TRAPPC9: variants seen among roughly 807,000 people sequenced by gnomAD.
TRAPPC9 encodes IKK2 binding protein.
TRAPPC9 carries 83 observed loss-of-function variants against 124.0 expected under a neutral mutation model. That is an observed-to-expected ratio of 0.67 (90% CI 0.56 to 0.80). The LOEUF (loss-of-function observed/expected upper bound fraction) is 0.80, where lower values mean the gene tolerates loss of function less well. Ranked by LOEUF, TRAPPC9 falls within the 30% of genes least tolerant of loss-of-function variation. The pLI is 0.00. For synonymous variants in TRAPPC9, 638 were observed against 617.5 expected (o/e 1.03, Z -0.49); for missense variants, 1,302 against 1,508.3 (o/e 0.86, Z 2.27).
chr8:140,455,261 T>G (rs1190909807), intron 1 of TRAPPC9, among the ~76,000 whole-genome samples: 1 of 151,610 alleles, frequency 6.6e-6, no homozygotes. Flanking sequence ...GCCTCCCGGG[T>G]AGCTGGGACT....
chr8:140,254,679 G>A (rs542757641), intron 15 of TRAPPC9, among the ~76,000 whole-genome samples: 2 of 152,308 alleles, frequency 1.3e-5, no homozygotes, highest in East Asian at 3.9e-4. Flanking sequence ...AGGCAGGAGC[G>A]ACTTGCTGTT....
At chr8:139,814,925 A>T (rs1057148137) in intron 21 of TRAPPC9, among the ~76,000 whole-genome samples, 1 of 152,184 alleles carries the variant, frequency 6.6e-6, no homozygotes, top group African/African-American at 2.4e-5. Flanking sequence ...GAGGACAGAC[A>T]TGGCCGGGCA....
At position 140,026,825 on chromosome 8, in the gene TRAPPC9, A is replaced by G. The variant is rs539371239; in HGVS notation, c.2557-2746T>C. On this transcript the variant is annotated intron_variant, in intron 17 of 22. Coordinates refer to ENST00000438773, the MANE Select transcript of TRAPPC9 (RefSeq NM_001160372.4). ...TAAATATTACTACTCGACAGCCCAA[A>G]TAAAGCCATGCCTTCCTCTTACTTA... is the stretch of plus-strand genomic sequence containing the variant. Among the ~76,000 whole-genome samples, 840 of 152,346 alleles carry G rather than the reference A, an allele frequency of 5.5e-3. 6 individuals carry two copies. Among genetic ancestry groups the G allele is most frequent in the Non-Finnish European group, 9.4e-3 (642 of 68,036 alleles).
chr8:139,831,339 G>C (rs1825980323), intron 21 of TRAPPC9, among the ~76,000 whole-genome samples: 1 of 152,086 alleles, frequency 6.6e-6, no homozygotes, highest in Non-Finnish European at 1.5e-5. Flanking sequence ...GTGGGCAAGA[G>C]ACTCTCCCAG....
intron 20 of TRAPPC9, among the ~76,000 whole-genome samples, chr8:139,908,337 C>T (rs188456562): frequency 4.6e-5 from 7 of 152,248 alleles, no homozygotes; most frequent in African/African-American, 1.4e-4. Flanking sequence ...CTGCATGGGG[C>T]GCCCGGCCAG....
At chr8:140,312,797 T>C (rs2066335826) in intron 9 of TRAPPC9, among the ~76,000 whole-genome samples, 1 of 149,958 alleles carries the variant, frequency 6.7e-6, no homozygotes, top group Non-Finnish European at 1.5e-5. Flanking sequence ...TCTCACTCTG[T>C]CTCCCAGGCT....
At chr8:140,356,042 T>C (rs2067732229) in intron 9 of TRAPPC9, among the ~76,000 whole-genome samples, 1 of 152,204 alleles carries the variant, frequency 6.6e-6, no homozygotes, top group Non-Finnish European at 1.5e-5. Context: ...GAACCCTCGC[T>C]GTATTTTCCT....
At chr8:139,967,672 C>T (rs951643559) in intron 19 of TRAPPC9, among the ~76,000 whole-genome samples, 9 of 152,234 alleles carry the variant, frequency 5.9e-5, no homozygotes. Flanking sequence ...AATGCCTGGG[C>T]CCGCCAGGAA....
chr8:139,980,795 C>G (rs1836841739), intron 19 of TRAPPC9, among the ~76,000 whole-genome samples: 1 of 152,212 alleles, frequency 6.6e-6, no homozygotes, highest in Admixed American at 6.5e-5. Context: ...GGGGACAGGT[C>G]TGCAGACAGG....
At position 140,275,813 on chromosome 8, in the gene TRAPPC9, T is replaced by C. The variant is rs768881448; in HGVS notation, c.2123A>G (p.His708Arg). Residue 708 changes from histidine (H) to arginine (R), a missense_variant, in exon 15 of 23, where the codon CAT becomes CGT. Coordinates refer to ENST00000438773, the MANE Select transcript of TRAPPC9 (RefSeq NM_001160372.4). ...QISTSLPRSAHSLQPSSGDEI... is the reference protein window; with the variant it reads ...QISTSLPRSARSLQPSSGDEI... ...ATCACCAGAAGAAGGTTGCAATGAA[T>C]GTGCAGATCTAAAATAAGAAGAAGA... is the stretch of plus-strand genomic sequence containing the variant. The C allele has an allele frequency of 4.3e-6, 7 of 1,612,266 alleles. No individual in the cohort carries two copies. The highest frequency in any genetic ancestry group is 1.7e-4 in the Middle Eastern group (1 of 6,052).
intron 5 of TRAPPC9, among the ~76,000 whole-genome samples, chr8:140,424,103 C>G (rs2070336265): frequency 6.6e-6 from 1 of 151,776 alleles, no homozygotes; most frequent in Non-Finnish European, 1.5e-5. Flanking sequence ...CTGGATTTTA[C>G]CCTTTAAATA....
chr8:139,925,218 A>C (rs1252910906), intron 19 of TRAPPC9, among the ~76,000 whole-genome samples: 2 of 152,208 alleles, frequency 1.3e-5, no homozygotes, highest in Non-Finnish European at 2.9e-5. Flanking sequence ...ACAGTGTGGA[A>C]AAAAATGCCC....
chr8:140,435,466 T>C (rs2070781627), intron 3 of TRAPPC9, among the ~76,000 whole-genome samples: 1 of 152,212 alleles, frequency 6.6e-6, no homozygotes, highest in African/African-American at 2.4e-5. Flanking sequence ...CCCATGCCCA[T>C]GTCCAGGCAG....
Position 139,910,203 on chromosome 8 carries a change from G to A in TRAPPC9, c.2908C>T (p.Arg970Trp), listed in dbSNP as rs758242753. 41 of 1,614,036 alleles carry A rather than the reference G, an allele frequency of 2.5e-5. 1 individual carries two copies. Among genetic ancestry groups the A allele is most frequent in the South Asian group, 1.1e-4 (10 of 91,088 alleles). ...ATCTCCAGGCCTCGGGCTTCCCGCC[G>A]CTCTTCCTCCAGCTGCTTGGGGTTT... is the stretch of plus-strand genomic sequence containing the variant. Reference protein sequence around the residue: ...FANPKQLEEERREARGLEIHS... With the variant: ...FANPKQLEEEWREARGLEIHS... The change falls in exon 20 of 23, where the codon CGG becomes TGG. Residue 970 changes from arginine to tryptophan, a missense_variant. Coordinates refer to ENST00000438773, the MANE Select transcript of TRAPPC9 (RefSeq NM_001160372.4).
chr8:140,223,257 C>T (rs1315609825), intron 16 of TRAPPC9, among the ~76,000 whole-genome samples: 2 of 152,174 alleles, frequency 1.3e-5, no homozygotes, highest in Admixed American at 6.5e-5. Context: ...ACTTGTAAGA[C>T]AGAACATGCG....
At chr8:139,820,160 G>T (rs930901649) in intron 21 of TRAPPC9, among the ~76,000 whole-genome samples, 3 of 151,798 alleles carry the variant, frequency 2.0e-5, no homozygotes, top group African/African-American at 7.3e-5. Flanking sequence ...AATGGAGAGA[G>T]AAAAAAAATT....
intron 21 of TRAPPC9, among the ~76,000 whole-genome samples, chr8:139,819,489 G>A (rs530834133): frequency 1.2e-4 from 18 of 152,264 alleles, no homozygotes; most frequent in African/African-American, 3.4e-4. Flanking sequence ...ACCTGCTCTA[G>A]CATTTATCAT....
intron 17 of TRAPPC9, among the ~76,000 whole-genome samples, chr8:140,178,482 G>C (rs2062121874): frequency 6.6e-6 from 1 of 152,006 alleles, no homozygotes; most frequent in South Asian, 2.1e-4. Context: ...CCATTTCATA[G>C]AATGCTGCAT....
intron 17 of TRAPPC9, among the ~76,000 whole-genome samples, chr8:140,191,138 A>G (rs1480328978): frequency 6.6e-6 from 1 of 152,242 alleles, no homozygotes. Context: ...TCACTAAGAC[A>G]GACAGGAAAC....
Sources: gnomAD v4.1 joint callset for allele counts (sites outside exome capture counted in the v4.1 genomes callset) on GRCh38, gnomAD v4.1.1 for gene constraint, MANE v1.5 for transcripts, NCBI Gene and HGNC (gene_info 2026-07-23, HGNC 2026-07-21) for gene names.